RAP1A: variants seen among roughly 807,000 people sequenced by gnomAD.
RAP1A encodes the protein RAP1A, member of RAS oncogene family.
Under a neutral mutation model 26.4 loss-of-function variants are expected in RAP1A, and 6 were observed. That is an observed-to-expected ratio of 0.23 (90% CI 0.12 to 0.45). The LOEUF is 0.45. RAP1A is among the 20% of genes least tolerant of loss of function. The pLI is 0.99. For synonymous variants in RAP1A, 73 were observed against 79.4 expected (o/e 0.92, Z 0.43); for missense variants, 121 against 217.2 (o/e 0.56, Z 2.78).
chr1:111,588,645 T>C (rs1484535443), intron 1 of RAP1A, among the ~76,000 whole-genome samples: 1 of 152,134 alleles, frequency 6.6e-6, no homozygotes, highest in African/African-American at 2.4e-5. Context: ...TACCTTCTTA[T>C]CTCTGGCCCA....
chr1:111,709,214 GA>G lies in RAP1A; in HGVS notation c.537del (p.Lys179AsnfsTer79). On this transcript the variant is annotated frameshift_variant, in exon 7 of 8. Transcript: ENST00000369709. LOFTEE classifies it high-confidence loss of function. ...CAGTGGAAAAGAAGAAGCCTAAAAA[GA>G]AATCATGTCTGCTGCTCTAGGCCCA... ...TPVEKKKPKK[K>X]SCLLL 1 of 1,613,538 alleles carries G rather than the reference GA, an allele frequency of 6.2e-7. No individual in the cohort carries two copies. The highest frequency in any genetic ancestry group is 8.5e-7 in the Non-Finnish European group (1 of 1,179,820).
chr1:111,673,637 G>A (rs1201474974), intron 1 of RAP1A, among the ~76,000 whole-genome samples: 1 of 152,140 alleles, frequency 6.6e-6, no homozygotes, highest in African/African-American at 2.4e-5. Flanking sequence ...ATATTTGTCA[G>A]GGAATCTTAA....
intron 1 of RAP1A, chr1:111,604,588 T>C (rs1375927097): frequency 6.6e-6 from 1 of 152,204 alleles, no homozygotes; most frequent in Non-Finnish European, 1.5e-5. Context: ...AATTTTGGCT[T>C]GGATTTCTTT....
At chr1:111,635,851 G>T (rs781212752) in intron 1 of RAP1A, among the ~76,000 whole-genome samples, 47 of 152,194 alleles carry the variant, frequency 3.1e-4, no homozygotes, top group Non-Finnish European at 1.6e-4. Context: ...GGAATTACAG[G>T]TGTGAGCCAC....
chr1:111,694,500 C>T (rs1167410300), intron 2 of RAP1A, among the ~76,000 whole-genome samples: 1 of 152,022 alleles, frequency 6.6e-6, no homozygotes. Context: ...ATCTTAAAAC[C>T]GTCTTCTGTA....
chr1:111,563,277 A>AAAATAAAT (rs373749625), intron 1 of RAP1A, among the ~76,000 whole-genome samples: 19 of 151,862 alleles, frequency 1.3e-4, no homozygotes, highest in African/African-American at 4.1e-4. Context: ...TCCTGTCTCA[A>AAAATAAAT]AAATAAATAA....
At chr1:111,545,312 A>T (rs1243600337) in intron 1 of RAP1A, among the ~76,000 whole-genome samples, 2 of 151,988 alleles carry the variant, frequency 1.3e-5, no homozygotes, top group Non-Finnish European at 2.9e-5. Flanking sequence ...AATTAAAGCC[A>T]TCCTGGTGGA....
intron 1 of RAP1A, among the ~76,000 whole-genome samples, chr1:111,637,663 A>G (rs1181119734): frequency 6.6e-6 from 1 of 152,208 alleles, no homozygotes; most frequent in South Asian, 2.1e-4. Flanking sequence ...AAATGAAATC[A>G]GATACATAAT....
At chr1:111,636,844 A>G (rs1209371726) in intron 1 of RAP1A, among the ~76,000 whole-genome samples, 1 of 152,176 alleles carries the variant, frequency 6.6e-6, no homozygotes, top group African/African-American at 2.4e-5. Context: ...CTAGATTTCT[A>G]GGCTCTTATA....
At chr1:111,643,814 A>G (rs551676223) in intron 1 of RAP1A, among the ~76,000 whole-genome samples, 3 of 152,210 alleles carry the variant, frequency 2.0e-5, no homozygotes, top group Non-Finnish European at 4.4e-5. Flanking sequence ...TTCACATACC[A>G]TACACACACA....
chr1:111,581,168 G>A (rs924042796), intron 1 of RAP1A, among the ~76,000 whole-genome samples: 2 of 151,716 alleles, frequency 1.3e-5, no homozygotes, highest in Non-Finnish European at 2.9e-5. Context: ...AATGCAGTCT[G>A]TACTTTTAGA....
At chr1:111,646,381 T>G (rs555206216) in intron 1 of RAP1A, among the ~76,000 whole-genome samples, 1 of 149,132 alleles carries the variant, frequency 6.7e-6, no homozygotes, top group Non-Finnish European at 1.5e-5. Context: ...AGAGACAGGG[T>G]GTGTCTGTCT....
intron 1 of RAP1A, among the ~76,000 whole-genome samples, chr1:111,674,581 G>C (rs897937165): frequency 6.6e-6 from 1 of 151,986 alleles, no homozygotes; most frequent in African/African-American, 2.4e-5. Flanking sequence ...ACCTTTACTT[G>C]TTCTTCCCAT....
At chr1:111,689,407 G>A (rs1003795193) in intron 1 of RAP1A, among the ~76,000 whole-genome samples, 1 of 150,930 alleles carries the variant, frequency 6.6e-6, no homozygotes, top group Non-Finnish European at 1.5e-5. Flanking sequence ...TGTATTTTCT[G>A]TTGCTGTGTC....
chr1:111,614,694 G>A (rs1363200338), intron 1 of RAP1A, among the ~76,000 whole-genome samples: 1 of 152,060 alleles, frequency 6.6e-6, no homozygotes, highest in Non-Finnish European at 1.5e-5. Context: ...TCTTTTTGAG[G>A]GCTAGTGATG....
chr1:111,705,246 A>C (rs1175861424), intron 6 of RAP1A, among the ~76,000 whole-genome samples: 1 of 152,210 alleles, frequency 6.6e-6, no homozygotes, highest in East Asian at 1.9e-4. Flanking sequence ...TAAAAACAAC[A>C]GAGTGGGCTT....
intron 1 of RAP1A, among the ~76,000 whole-genome samples, chr1:111,684,181 TA>T (rs1661394077): frequency 6.6e-6 from 1 of 152,176 alleles, no homozygotes; most frequent in African/African-American, 2.4e-5. Flanking sequence ...AAGAGCTATT[TA>T]TGACACACCC....
At chr1:111,669,553 A>G (rs1051961710) in intron 1 of RAP1A, among the ~76,000 whole-genome samples, 1 of 152,238 alleles carries the variant, frequency 6.6e-6, no homozygotes, top group Non-Finnish European at 1.5e-5. Flanking sequence ...TGGCTCTCTC[A>G]GACTACCTAG....
At chr1:111,627,962 G>C (rs1186248557) in intron 1 of RAP1A, among the ~76,000 whole-genome samples, 1 of 151,998 alleles carries the variant, frequency 6.6e-6, no homozygotes, top group African/African-American at 2.4e-5. Context: ...TGAATGTTTA[G>C]AGCAGTAGCT....
Sources: allele counts gnomAD v4.1 joint callset (sites outside exome capture counted in the v4.1 genomes callset), GRCh38; gene constraint gnomAD v4.1.1; transcripts MANE v1.5; gene names NCBI Gene and HGNC (gene_info 2026-07-23, HGNC 2026-07-21).